FUT8: variants seen among roughly 807,000 people sequenced by gnomAD.
The protein encoded by FUT8 is alpha-(1,6)-fucosyltransferase.
In FUT8, 29 loss-of-function variants were observed where a neutral mutation model predicts 71.3. That is an observed-to-expected ratio of 0.41 (90% confidence interval 0.30 to 0.55). The LOEUF (loss-of-function observed/expected upper bound fraction) is 0.55, where lower values mean the gene tolerates loss of function less well. FUT8 is among the 20% of genes least tolerant of loss of function. The probability of loss-of-function intolerance (pLI) is 0.34; values close to 1 mark genes in which losing one functional copy is unlikely to be tolerated. For synonymous variants in FUT8, 254 were observed against 239.3 expected (o/e 1.06, Z -0.57); for missense variants, 544 against 702.1 (o/e 0.77, Z 2.55).
At position 65,483,398 on chromosome 14, in the gene FUT8, T is replaced by A. The variant is rs967597075; in HGVS notation, c.-228+27680T>A. Among the ~76,000 whole-genome samples, 3 of 152,234 alleles carry A rather than the reference T, an allele frequency of 2.0e-5. No individual in the cohort carries two copies. In the East Asian group the frequency reaches 5.8e-4, roughly 29 times the overall value. On this transcript the variant is annotated intron_variant, in intron 2 of 10. Coordinates refer to ENST00000673929, the MANE Select transcript of FUT8 (RefSeq NM_001371533.1). The surrounding 1 kb of genome is among the most constrained non-coding windows in gnomAD (Gnocchi z 4.4). ...ATGTTAAATAGTTAGTGATCCTTTT[T>A]ATTAAGCTTTCACTTTTCAAATTAC...
chr14:65,501,868 A>T (rs1402685393), intron 2 of FUT8, among the ~76,000 whole-genome samples: 1 of 149,084 alleles, frequency 6.7e-6, no homozygotes, highest in Non-Finnish European at 1.5e-5. Flanking sequence ...AGTTAATGTG[A>T]TGGGGGAGGG....
At chr14:65,694,689 T>C (rs112972277) in intron 7 of FUT8, among the ~76,000 whole-genome samples, 9 of 152,018 alleles carry the variant, frequency 5.9e-5, no homozygotes, top group South Asian at 2.1e-4. Context: ...GTGGCACATA[T>C]ACACCATGGA....
At chr14:65,697,363 G>T (rs1288962390) in intron 7 of FUT8, among the ~76,000 whole-genome samples, 1 of 152,182 alleles carries the variant, frequency 6.6e-6, no homozygotes, top group Non-Finnish European at 1.5e-5. Flanking sequence ...TTATTGATGT[G>T]ATGGTATGGT....
At chr14:65,726,576 C>A (rs555556551) in intron 9 of FUT8, among the ~76,000 whole-genome samples, 35 of 152,156 alleles carry the variant, frequency 2.3e-4, no homozygotes, top group Non-Finnish European at 4.9e-4. Flanking sequence ...AAGATTTGCC[C>A]CCGTGATTCA....
chr14:65,461,142 A>G (rs557487137), intron 2 of FUT8, among the ~76,000 whole-genome samples: 1 of 152,298 alleles, frequency 6.6e-6, no homozygotes, highest in African/African-American at 2.4e-5. Flanking sequence ...ACTCTCTCCG[A>G]AGGCTCTAGG....
chr14:65,408,587 T>A (rs969665114), upstream of FUT8, among the ~76,000 whole-genome samples: 5 of 152,156 alleles, frequency 3.3e-5, no homozygotes, highest in African/African-American at 1.2e-4. Flanking sequence ...TAAACAGCCC[T>A]ATTAATAAGG....
intron 5 of FUT8, among the ~76,000 whole-genome samples, chr14:65,624,076 A>G (rs1051088122): frequency 1.3e-5 from 2 of 152,204 alleles, no homozygotes; most frequent in Non-Finnish European, 1.5e-5. Context: ...ATACTGCAGG[A>G]TGATAACTTT....
chr14:65,681,886 C>G (rs983142361), intron 7 of FUT8, among the ~76,000 whole-genome samples: 1 of 152,176 alleles, frequency 6.6e-6, no homozygotes. Context: ...GAAACCCAGT[C>G]TGACTTCAAA....
intron 2 of FUT8, among the ~76,000 whole-genome samples, chr14:65,548,520 T>C (rs977265581): frequency 1.3e-5 from 2 of 152,036 alleles, no homozygotes; most frequent in African/African-American, 4.8e-5. Flanking sequence ...TTGTCTGTTA[T>C]GAATAAAGCT....
At chr14:65,420,332 G>C (rs544590035) in intron 1 of FUT8, among the ~76,000 whole-genome samples, 1 of 151,840 alleles carries the variant, frequency 6.6e-6, no homozygotes, top group South Asian at 2.1e-4. Context: ...GCCCAGGCTG[G>C]TGTTGAATTC....
intron 2 of FUT8, among the ~76,000 whole-genome samples, chr14:65,533,915 T>C (rs1884116403): frequency 1.3e-5 from 2 of 152,212 alleles, no homozygotes; most frequent in African/African-American, 4.8e-5. Context: ...TATAGTTGTG[T>C]GATGAATCAT....
At chr14:65,495,194 A>C (rs921850965) in intron 2 of FUT8, among the ~76,000 whole-genome samples, 2 of 151,912 alleles carry the variant, frequency 1.3e-5, no homozygotes, top group African/African-American at 4.8e-5. Flanking sequence ...TAAAAAAAAA[A>C]AAAACCCAGT....
At chr14:65,414,521 T>C (rs2065191210) in intron 1 of FUT8, among the ~76,000 whole-genome samples, 4 of 152,210 alleles carry the variant, frequency 2.6e-5, no homozygotes, top group African/African-American at 7.2e-5. Context: ...GCCCTGTACC[T>C]TGCTGTCCTT....
rs779921563 is a variant in FUT8 at position 65,629,581 on chromosome 14, T to C, written c.572T>C (p.Val191Ala). ...EKEAKDLTEL[V>A]QRRITYLQNP... ...GAGGCCAAAGATCTGACAGAACTGG[T>C]TCAGCGGAGAATAACATATCTTCAG... The change falls in exon 6 of 11, where the codon GTT becomes GCT. Residue 191 changes from valine to alanine, a missense_variant. Physicochemically the swap from Val to Ala is moderately conservative, Grantham distance 64 (BLOSUM62 0). Coordinates refer to ENST00000673929, the MANE Select transcript of FUT8 (RefSeq NM_001371533.1). The C allele has an allele frequency of 6.2e-7, 1 of 1,613,328 alleles. No homozygotes were observed. The highest frequency in any genetic ancestry group is 8.5e-7 in the Non-Finnish European group (1 of 1,179,304).
At chr14:65,452,418 C>T (rs1265074435) in intron 1 of FUT8, among the ~76,000 whole-genome samples, 4 of 152,220 alleles carry the variant, frequency 2.6e-5, no homozygotes, top group African/African-American at 7.2e-5. Context: ...ACAAATTAGG[C>T]GAGATCATGC....
intron 3 of FUT8, among the ~76,000 whole-genome samples, chr14:65,597,452 T>C (rs1158437331): frequency 1.3e-5 from 2 of 151,588 alleles, no homozygotes; most frequent in Non-Finnish European, 2.9e-5. Context: ...TGAAACCCCG[T>C]CTCTACTAAA....
At chr14:65,617,556 A>G (rs1433914755) in intron 5 of FUT8, among the ~76,000 whole-genome samples, 2 of 152,164 alleles carry the variant, frequency 1.3e-5, no homozygotes, top group Non-Finnish European at 2.9e-5. Context: ...TTTTAGGCCA[A>G]TTCACATCTG....
intron 2 of FUT8, among the ~76,000 whole-genome samples, chr14:65,553,809 G>C (rs1885428001): frequency 6.6e-6 from 1 of 150,538 alleles, no homozygotes; most frequent in African/African-American, 2.4e-5. Context: ...TTCTCTGTAT[G>C]TAATATTTCT....
intron 6 of FUT8, among the ~76,000 whole-genome samples, chr14:65,632,315 T>A (rs1038673317): frequency 5.3e-5 from 8 of 152,226 alleles, no homozygotes; most frequent in Admixed American, 2.6e-4. Flanking sequence ...TTTTCCCTAG[T>A]GGCTGTGCTA....
Sources: allele counts gnomAD v4.1 joint callset (sites outside exome capture counted in the v4.1 genomes callset), GRCh38; gene constraint gnomAD v4.1.1; non-coding constraint Gnocchi (gnomAD v3.1); transcripts MANE v1.5; gene names NCBI Gene and HGNC (gene_info 2026-07-23, HGNC 2026-07-21).